CLYBL: variants seen among roughly 807,000 people sequenced by gnomAD.
CLYBL encodes the protein citramalyl-CoA lyase.
Under a neutral mutation model 38.9 loss-of-function variants are expected in CLYBL, and 31 were observed. The observed-to-expected ratio is 0.80, with a 90% CI of 0.60 to 1.08. The LOEUF is 1.08. CLYBL is among the 50% of genes least tolerant of loss of function. The pLI is 0.00. For missense variants in CLYBL, 434 were observed against 411.6 expected (o/e 1.05, Z -0.47); for synonymous variants, 171 against 158.6 (o/e 1.08, Z -0.59).
chr13:99,642,541 A>C (rs75564233), intron 1 of CLYBL, among the ~76,000 whole-genome samples: 26,125 of 151,754 alleles, frequency 0.17, 3,005 homozygotes, highest in African/African-American at 0.33. Flanking sequence ...CAGCTTCCCG[A>C]GTAGCTAAGA....
chr13:99,893,984 T>C (rs1276843639), downstream of CLYBL: 1 of 152,206 alleles, frequency 6.6e-6, no homozygotes, highest in Non-Finnish European at 1.5e-5. Context: ...TAACCCATGG[T>C]CCCTATTAGG....
rs150587625 is a variant in CLYBL at position 99,689,295 on chromosome 13, G to A, written c.62+82538G>A. Among the ~76,000 whole-genome samples, 25 of 152,342 alleles carry A rather than the reference G, an allele frequency of 1.6e-4. No individual in the cohort carries two copies. The East Asian group carries it at 4.8e-3, about 29-fold the overall frequency. On this transcript the variant is annotated intron_variant, in intron 1 of 8. Transcript: ENST00000339105. ...GAGGCATCACGCTTTCCTTCAGCAA[G>A]CTTCAGGGGAGACAGGATTTAGGGT...
At position 99,815,550 on chromosome 13, in the gene CLYBL, A is replaced by G. The variant is rs1235977075; in HGVS notation, c.249+42540A>G. On this transcript the variant is annotated intron_variant, in intron 2 of 8. Coordinates refer to ENST00000339105, the MANE Select transcript of CLYBL (RefSeq NM_206808.5). ...CAGTGGGCGATGATGGCGCCACCGC[A>G]TTCCAGCTTGAGTGACAGAGCAAGA... 2.0e-5 allele frequency among the ~76,000 whole-genome samples: 3 copies of G among 152,206 alleles called. No individual in the cohort carries two copies. In the East Asian group the frequency reaches 5.8e-4, roughly 29 times the overall value.
chr13:99,659,220 A>G (rs889734649), intron 1 of CLYBL, among the ~76,000 whole-genome samples: 32 of 151,882 alleles, frequency 2.1e-4, no homozygotes, highest in African/African-American at 7.7e-4. Context: ...GTGTGTGTAT[A>G]TATATATATG....
intron 2 of CLYBL, among the ~76,000 whole-genome samples, chr13:99,826,588 T>G (rs2050700138): frequency 6.6e-6 from 1 of 152,230 alleles, no homozygotes; most frequent in Non-Finnish European, 1.5e-5. Context: ...GAAAACCAAC[T>G]GTGTTACTGG....
intron 6 of CLYBL, among the ~76,000 whole-genome samples, chr13:99,868,601 A>C (rs1298286557): frequency 3.9e-5 from 6 of 152,238 alleles, no homozygotes; most frequent in African/African-American, 1.2e-4. Flanking sequence ...ACATATTTTT[A>C]ATGAGTTGTA....
chr13:99,648,677 G>T (rs1489436892), intron 1 of CLYBL, among the ~76,000 whole-genome samples: 2 of 151,936 alleles, frequency 1.3e-5, no homozygotes, highest in Non-Finnish European at 2.9e-5. Flanking sequence ...CAGTGTTTAG[G>T]GTCTTTTCTA....
intron 1 of CLYBL, among the ~76,000 whole-genome samples, chr13:99,661,753 T>G (rs1361749209): frequency 6.6e-6 from 1 of 152,238 alleles, no homozygotes; most frequent in Admixed American, 6.5e-5. Context: ...TGGTTGCTAT[T>G]TTATTTCAGG....
chr13:99,875,908 C>T (rs2052026727), intron 7 of CLYBL, among the ~76,000 whole-genome samples: 1 of 152,090 alleles, frequency 6.6e-6, no homozygotes, highest in African/African-American at 2.4e-5. Context: ...GAAAGATCGG[C>T]CATAATTTTG....
intron 2 of CLYBL, among the ~76,000 whole-genome samples, chr13:99,852,480 G>A (rs561714506): frequency 6.6e-6 from 1 of 152,236 alleles, no homozygotes; most frequent in East Asian, 1.9e-4. Context: ...GTACACTTAG[G>A]TAAACTGTAT....
intron 8 of CLYBL, among the ~76,000 whole-genome samples, chr13:99,904,311 G>A (rs2052672388): frequency 6.6e-6 from 1 of 152,170 alleles, no homozygotes; most frequent in Admixed American, 6.5e-5. Context: ...AAGGCGAAAT[G>A]TGGCCCCTTC....
At chr13:99,671,092 G>T (rs1385096869) in intron 1 of CLYBL, among the ~76,000 whole-genome samples, 1 of 152,098 alleles carries the variant, frequency 6.6e-6, no homozygotes, top group Non-Finnish European at 1.5e-5. Flanking sequence ...GCTAGTTCCT[G>T]CCTCAGGGTT....
chr13:99,654,200 G>T (rs1029796735), intron 1 of CLYBL, among the ~76,000 whole-genome samples: 4 of 152,186 alleles, frequency 2.6e-5, no homozygotes, highest in African/African-American at 9.7e-5. Context: ...ACACTCAGAT[G>T]CAGGAGAGGC....
At position 99,696,233 on chromosome 13, in the gene CLYBL, C is replaced by CT. The variant is rs778242975; in HGVS notation, c.63-76576dup. Among the ~76,000 whole-genome samples, 384 of 141,408 alleles carry CT rather than the reference C, an allele frequency of 2.7e-3. 3 individuals are homozygous for CT. The highest frequency in any genetic ancestry group is 7.2e-3 in the Middle Eastern group (2 of 278). 92.8% of individuals were successfully genotyped at this position (141,408 alleles called of 152,430 possible). On this transcript the variant is annotated intron_variant, in intron 1 of 8. Coordinates refer to ENST00000339105, the MANE Select transcript of CLYBL (RefSeq NM_206808.5). ...TCTGACACCAAAACCATGTCAGAGACTTTTTTTTTTTTTTTAAACCGAGTC... is the reference window on the plus strand; with the variant it reads ...TCTGACACCAAAACCATGTCAGAGACTTTTTTTTTTTTTTTTAAACCGAGTC...
downstream of CLYBL, chr13:99,895,397 G>C (rs1489938921): frequency 6.6e-6 from 1 of 152,266 alleles, no homozygotes; most frequent in Admixed American, 6.5e-5. Flanking sequence ...CAGGCCCCGA[G>C]CTCGTGGACG....
At chr13:99,727,990 A>T (rs2048509646) in intron 1 of CLYBL, among the ~76,000 whole-genome samples, 1 of 152,180 alleles carries the variant, frequency 6.6e-6, no homozygotes, top group South Asian at 2.1e-4. Flanking sequence ...AGGCAGGAGA[A>T]TTGCTTGAAC....
chr13:99,702,666 AG>A (rs1179294686), intron 1 of CLYBL, among the ~76,000 whole-genome samples: 1 of 152,172 alleles, frequency 6.6e-6, no homozygotes, highest in African/African-American at 2.4e-5. Context: ...TTAAAAATGA[AG>A]GCTCATGCAG....
At chr13:99,897,884 T>C (rs2052600341), downstream of CLYBL, among the ~76,000 whole-genome samples, 1 of 151,604 alleles carries the variant, frequency 6.6e-6, no homozygotes, top group Non-Finnish European at 1.5e-5. Context: ...AGGCAGAGGT[T>C]GCCCAAGATC....
intron 1 of CLYBL, among the ~76,000 whole-genome samples, chr13:99,640,058 TAATTAA>T (rs1456710161): frequency 6.6e-6 from 1 of 152,254 alleles, no homozygotes; most frequent in Non-Finnish European, 1.5e-5. Flanking sequence ...GTTTAGACTT[TAATTAA>T]ACAGAATAAT....
Sources: gnomAD v4.1 joint callset for allele counts (sites outside exome capture counted in the v4.1 genomes callset) on GRCh38, gnomAD v4.1.1 for gene constraint, MANE v1.5 for transcripts, NCBI Gene and HGNC (gene_info 2026-07-23, HGNC 2026-07-21) for gene names.